SPIDR: variants seen among roughly 807,000 people sequenced by gnomAD.
SPIDR encodes the protein scaffold protein involved in DNA repair.
Under a neutral mutation model 104.6 loss-of-function variants are expected in SPIDR, and 93 were observed. The ratio of observed to expected loss-of-function variants is 0.89; its 90% CI spans 0.75 to 1.06. The LOEUF (loss-of-function observed/expected upper bound fraction) is 1.06. SPIDR is among the 50% of genes least tolerant of loss of function. The probability of loss-of-function intolerance (pLI) is 0.00; values close to 1 mark genes in which losing one functional copy is unlikely to be tolerated. For missense variants in SPIDR, 1,154 were observed against 1,111.2 expected (o/e 1.04, Z -0.55); for synonymous variants, 431 against 416.9 (o/e 1.03, Z -0.41).
chr8:47,612,826 G>A (rs186503323), intron 10 of SPIDR, among the ~76,000 whole-genome samples: 1 of 152,244 alleles, frequency 6.6e-6, no homozygotes, highest in African/African-American at 2.4e-5. Flanking sequence ...TTACTTATAT[G>A]CATTTATATG....
intron 1 of SPIDR, among the ~76,000 whole-genome samples, chr8:47,279,646 A>G (rs1346403346): frequency 6.6e-6 from 1 of 151,810 alleles, no homozygotes; most frequent in Admixed American, 6.6e-5. Context: ...GTCTTTACCC[A>G]CTTGTGTTTG....
In SPIDR at chr8:47,516,074, G is replaced by T. The variant is rs185022750; in HGVS notation, c.1097+75532G>T. On this transcript the variant is annotated intron_variant, in intron 8 of 19. Coordinates refer to ENST00000297423, the MANE Select transcript of SPIDR (RefSeq NM_001080394.4). Reference sequence around the variant, plus strand: ...TCCGCCCGCCTCGGCCTCCCGAAGTGCTGGGATTACAGGCGTGAGCCACTG... The same window carrying T: ...TCCGCCCGCCTCGGCCTCCCGAAGTTCTGGGATTACAGGCGTGAGCCACTG... Among the ~76,000 whole-genome samples the T allele has an allele frequency of 6.4e-3, 971 of 152,346 alleles. 11 individuals are homozygous for T. The highest frequency in any genetic ancestry group is 0.022 in the African/African-American group (912 of 41,590).
rs374462781 is a variant in SPIDR at position 47,445,094 on chromosome 8, C to T, written c.1097+4552C>T. On this transcript the variant is annotated intron_variant, in intron 8 of 19. Transcript: ENST00000297423. ...GTAGAGTCTCTGCAGCTGGTCACAT[C>T]GAATATAGCCCACCTTATTTTACTA... Among the ~76,000 whole-genome samples, 31 of 152,222 alleles carry T rather than the reference C, an allele frequency of 2.0e-4. 1 individual carries two copies. Among genetic ancestry groups the T allele is most frequent in the African/African-American group, 7.2e-4 (30 of 41,550 alleles).
chr8:47,632,272 G>T (rs1159097780), intron 10 of SPIDR, among the ~76,000 whole-genome samples: 1 of 151,990 alleles, frequency 6.6e-6, no homozygotes, highest in African/African-American at 2.4e-5. Flanking sequence ...GCAAAGTTTC[G>T]CCTACTCTGA....
chr8:47,486,706 A>T (rs1554731552), intron 8 of SPIDR, among the ~76,000 whole-genome samples: 1 of 152,206 alleles, frequency 6.6e-6, no homozygotes, highest in Admixed American at 6.5e-5. Context: ...CAACATTCTT[A>T]AAGAAAAGAA....
At chr8:47,343,715 G>A (rs2051246041) in intron 5 of SPIDR, among the ~76,000 whole-genome samples, 1 of 152,122 alleles carries the variant, frequency 6.6e-6, no homozygotes, top group Non-Finnish European at 1.5e-5. Flanking sequence ...TCCTGTTTCG[G>A]GCAGGGATTT....
At chr8:47,430,594 C>A (rs1396038369) in intron 7 of SPIDR, among the ~76,000 whole-genome samples, 1 of 152,086 alleles carries the variant, frequency 6.6e-6, no homozygotes, top group African/African-American at 2.4e-5. Flanking sequence ...CGGATGCCCA[C>A]GTGCTCCTGG....
chr8:47,496,782 G>A, intron 8 of SPIDR, among the ~76,000 whole-genome samples: 1 of 145,836 alleles, frequency 6.9e-6, no homozygotes, highest in East Asian at 2.0e-4. Context: ...ACATTTGGTA[G>A]AATTCACCAC....
intron 5 of SPIDR, among the ~76,000 whole-genome samples, chr8:47,303,648 G>A (rs1339697438): frequency 1.3e-5 from 2 of 152,116 alleles, no homozygotes; most frequent in East Asian, 3.8e-4. Context: ...TATTAACGTG[G>A]TGTATCACAT....
chr8:47,371,818 C>T (rs1232841145), intron 5 of SPIDR, among the ~76,000 whole-genome samples: 1 of 152,118 alleles, frequency 6.6e-6, no homozygotes, highest in Admixed American at 6.5e-5. Flanking sequence ...TAGATTCCAC[C>T]AGGTAAGACA....
chr8:47,598,900 A>C (rs1481682968), intron 9 of SPIDR, 46 bp from the exon 10 acceptor site: 10 of 1,608,222 alleles, frequency 6.2e-6, no homozygotes, highest in Non-Finnish European at 8.5e-6. Context: ...AGCCGAACTG[A>C]AACTTTGTGA....
chr8:47,551,962 T>A (rs1161789462), intron 8 of SPIDR, among the ~76,000 whole-genome samples: 2 of 152,224 alleles, frequency 1.3e-5, no homozygotes, highest in Non-Finnish European at 2.9e-5. Flanking sequence ...GAGATTCTGT[T>A]AGGTTGTGCC....
At chr8:47,276,935 T>TC (rs1172209789) in intron 1 of SPIDR, 1 of 151,968 alleles carries the variant, frequency 6.6e-6, no homozygotes, top group African/African-American at 2.4e-5. Context: ...CCTTTTTTTT[T>TC]TTTTTTTTTC....
chr8:47,608,987 A>G (rs1203857744), intron 10 of SPIDR, among the ~76,000 whole-genome samples: 1 of 152,242 alleles, frequency 6.6e-6, no homozygotes, highest in Non-Finnish European at 1.5e-5. Context: ...TCGGCCTCCC[A>G]AAGTGTTGGG....
intron 8 of SPIDR, among the ~76,000 whole-genome samples, chr8:47,490,494 G>A (rs964037958): frequency 6.6e-6 from 1 of 152,158 alleles, no homozygotes; most frequent in African/African-American, 2.4e-5. Context: ...TCCCATTACT[G>A]GGTATATACC....
At chr8:47,293,606 C>G (rs2040328709) in intron 4 of SPIDR, among the ~76,000 whole-genome samples, 1 of 152,142 alleles carries the variant, frequency 6.6e-6, no homozygotes, top group South Asian at 2.1e-4. Flanking sequence ...GCCACCGTGT[C>G]CAGCTAATTT....
At chr8:47,479,665 C>T (rs868986740) in intron 8 of SPIDR, among the ~76,000 whole-genome samples, 17 of 152,234 alleles carry the variant, frequency 1.1e-4, no homozygotes, top group African/African-American at 4.1e-4. Context: ...TGGGGAGTGG[C>T]CTGAAGCCAG....
intron 5 of SPIDR, among the ~76,000 whole-genome samples, chr8:47,297,544 T>C (rs1261472090): frequency 2.0e-5 from 3 of 152,116 alleles, no homozygotes; most frequent in African/African-American, 7.2e-5. Context: ...GCCATGTCGG[T>C]GTGCTGCACC....
chr8:47,699,145 C>T (rs145238434), intron 11 of SPIDR, among the ~76,000 whole-genome samples: 30 of 152,236 alleles, frequency 2.0e-4, no homozygotes, highest in African/African-American at 6.5e-4. Context: ...TAGCAAAAAA[C>T]AGCATAAAAG....
Sources: allele counts gnomAD v4.1 joint callset (sites outside exome capture counted in the v4.1 genomes callset), GRCh38; gene constraint gnomAD v4.1.1; transcripts MANE v1.5; gene names NCBI Gene and HGNC (gene_info 2026-07-23, HGNC 2026-07-21).